The following DCC variants were observed in gnomAD, a reference collection of about 807,000 sequenced individuals.
DCC encodes the protein DCC netrin 1 receptor.
In DCC, 58 loss-of-function variants were observed where a neutral mutation model predicts 172.5. The ratio of observed to expected loss-of-function variants is 0.34; its 90% CI spans 0.27 to 0.42. DCC has a LOEUF of 0.42. DCC is among the 10% of genes least tolerant of loss of function. The probability of loss-of-function intolerance (pLI) is 1.00; values close to 1 mark genes in which losing one functional copy is unlikely to be tolerated. For missense variants in DCC, 1,740 were observed against 1,791.0 expected, an observed-to-expected ratio of 0.97 and a Z score of 0.51; for synonymous variants, 709 against 644.5, an observed-to-expected ratio of 1.10 and a Z score of -1.52.
intron 12 of DCC, among the ~76,000 whole-genome samples, chr18:53,240,932 C>T (rs2056283572): frequency 6.6e-6 from 1 of 152,072 alleles, no homozygotes; most frequent in Admixed American, 6.6e-5. Flanking sequence ...TGTTTAAATG[C>T]ATAGAAGTAT....
intron 5 of DCC, among the ~76,000 whole-genome samples, chr18:52,929,431 TG>T (rs2040269372): frequency 6.6e-6 from 1 of 152,126 alleles, no homozygotes; most frequent in South Asian, 2.1e-4. Flanking sequence ...AATTTTAGTT[TG>T]GTTAATAATT....
At chr18:52,972,123 C>A (rs1433304552) in intron 5 of DCC, among the ~76,000 whole-genome samples, 1 of 152,168 alleles carries the variant, frequency 6.6e-6, no homozygotes, top group Admixed American at 6.6e-5. Flanking sequence ...AAACAAATCA[C>A]CTCCACTGGT....
chr18:53,110,602 A>G (rs934033944), intron 7 of DCC, among the ~76,000 whole-genome samples: 2 of 151,544 alleles, frequency 1.3e-5, no homozygotes, highest in African/African-American at 4.8e-5. Context: ...ATGAACAGAC[A>G]CTTCTCAAAA....
intron 20 of DCC, 43 bp from the exon 21 acceptor site, chr18:53,416,081 G>A (rs752570277): frequency 4.7e-6 from 7 of 1,502,512 alleles, no homozygotes; most frequent in Non-Finnish European, 6.5e-6. Flanking sequence ...TTCTTGCTAG[G>A]AACTGTCAAA....
chr18:52,897,207 A>C (rs935419019), intron 2 of DCC, among the ~76,000 whole-genome samples: 1 of 152,144 alleles, frequency 6.6e-6, no homozygotes, highest in African/African-American at 2.4e-5. Flanking sequence ...CAGTACCAAC[A>C]CTACAGAGGA....
At chr18:52,766,743 C>A (rs2037258494) in intron 2 of DCC, among the ~76,000 whole-genome samples, 1 of 151,612 alleles carries the variant, frequency 6.6e-6, no homozygotes, top group African/African-American at 2.4e-5. Context: ...TGCGGTGGGG[C>A]CATGGGTGGT....
At chr18:52,769,577 T>C (rs1007028915) in intron 2 of DCC, among the ~76,000 whole-genome samples, 3 of 152,202 alleles carry the variant, frequency 2.0e-5, no homozygotes, top group African/African-American at 7.2e-5. Flanking sequence ...TTAATTTTAA[T>C]GCAATTCAGT....
At chr18:52,855,683 T>C (rs976790410) in intron 2 of DCC, among the ~76,000 whole-genome samples, 1 of 152,178 alleles carries the variant, frequency 6.6e-6, no homozygotes, top group Non-Finnish European at 1.5e-5. Flanking sequence ...AATGTGATAT[T>C]GTTAGAGGGG....
chr18:53,484,876 A>C (rs2045883187), intron 25 of DCC, among the ~76,000 whole-genome samples: 1 of 152,074 alleles, frequency 6.6e-6, no homozygotes, highest in African/African-American at 2.4e-5. Flanking sequence ...TGCTTTGGGT[A>C]GTATGAACCT....
intron 12 of DCC, among the ~76,000 whole-genome samples, chr18:53,283,171 GC>G (rs2056893462): frequency 1.3e-5 from 2 of 152,070 alleles, no homozygotes; most frequent in Admixed American, 6.6e-5. Context: ...AAAGCTTAAA[GC>G]AAAAAGAATA....
At chr18:52,598,451 A>C (rs1240590572) in intron 1 of DCC, among the ~76,000 whole-genome samples, 2 of 152,192 alleles carry the variant, frequency 1.3e-5, no homozygotes. Flanking sequence ...TAAGAATTGC[A>C]TGGAGGCCCA....
chr18:52,496,631 A>G (rs955843899), intron 1 of DCC, among the ~76,000 whole-genome samples: 8 of 152,136 alleles, frequency 5.3e-5, no homozygotes, highest in African/African-American at 1.9e-4. Context: ...CTGGCCCTGT[A>G]TATCTGATTT....
chr18:52,680,229 A>G (rs1466147423), intron 1 of DCC, among the ~76,000 whole-genome samples: 1 of 152,106 alleles, frequency 6.6e-6, no homozygotes, highest in Non-Finnish European at 1.5e-5. Flanking sequence ...CAAACTTTTA[A>G]GCAGAGCATA....
chr18:53,012,838 G>C (rs143178095), intron 5 of DCC, among the ~76,000 whole-genome samples: 2,098 of 152,006 alleles, frequency 0.014, 48 homozygotes, highest in African/African-American at 0.048. Flanking sequence ...ATCTGACAAA[G>C]GTCTAATATC....
intron 1 of DCC, among the ~76,000 whole-genome samples, chr18:52,538,959 G>T (rs957995452): frequency 6.6e-6 from 1 of 152,190 alleles, no homozygotes; most frequent in African/African-American, 2.4e-5. Flanking sequence ...ACTGAGGTTG[G>T]TTAGCTGGTC....
At chr18:53,154,166 A>T (rs141263854) in intron 7 of DCC, among the ~76,000 whole-genome samples, 96 of 152,272 alleles carry the variant, frequency 6.3e-4, no homozygotes, top group African/African-American at 1.9e-3. Context: ...ACTCTGAGGG[A>T]TGAATAACTC....
At chr18:52,357,611 C>T (rs923674222) in intron 1 of DCC, among the ~76,000 whole-genome samples, 2 of 151,928 alleles carry the variant, frequency 1.3e-5, no homozygotes, top group Non-Finnish European at 2.9e-5. Context: ...AGAGTACAAC[C>T]CATATCCTTT....
chr18:53,045,805 T>C (rs1164551858), intron 5 of DCC, among the ~76,000 whole-genome samples: 2 of 151,894 alleles, frequency 1.3e-5, no homozygotes, highest in African/African-American at 4.8e-5. Context: ...CTTTTTGAAA[T>C]AGAAATGTTT....
At chr18:52,768,277 G>C (rs927070923) in intron 2 of DCC, among the ~76,000 whole-genome samples, 1 of 152,134 alleles carries the variant, frequency 6.6e-6, no homozygotes, top group Non-Finnish European at 1.5e-5. Context: ...AAAATTACGA[G>C]TTTATCCATT....
Sources: allele counts gnomAD v4.1 joint callset (sites outside exome capture counted in the v4.1 genomes callset), GRCh38; gene constraint gnomAD v4.1.1; transcripts MANE v1.5; gene names NCBI Gene and HGNC (gene_info 2026-07-23, HGNC 2026-07-21).